TTN: variants seen among roughly 807,000 people sequenced by gnomAD.
TTN encodes the protein connectin.
A neutral mutation model predicts 3,223.0 loss-of-function variants in TTN; 1,525 were observed. The ratio of observed to expected loss-of-function variants is 0.47; its 90% CI spans 0.45 to 0.49. The LOEUF is 0.49. Among genes scored for constraint, TTN ranks in the 20% least tolerant of loss-of-function variants. The pLI, the probability that TTN is intolerant of heterozygous loss-of-function variation, is 0.00. For synonymous variants in TTN, 14,094 were observed against 15,161.0 expected, an observed-to-expected ratio of 0.93 and a Z score of 5.17; for missense variants, 40,786 against 43,424.0, an observed-to-expected ratio of 0.94 and a Z score of 5.40.
At chr2:178,663,156 T>G (rs1187137109) in intron 173 of TTN, 101 bp from the exon 174 acceptor site, 13 of 1,608,192 alleles carry the variant, frequency 8.1e-6, no homozygotes, top group Non-Finnish European at 9.3e-6. Flanking sequence ...GATTGACATT[T>G]GTTTTCTTTA....
chr2:178,578,222 A>T (rs1358722606), intron 321 of TTN, 37 bp from the exon 322 acceptor site: 3 of 1,561,568 alleles, frequency 1.9e-6, no homozygotes. Flanking sequence ...GTATAAATGC[A>T]GCTTGATTTT....
rs762501586 is a variant in TTN at position 178,756,783 on chromosome 2, T to G, written c.10693A>C (p.Arg3565=). The G allele has an allele frequency of 6.2e-7, 1 of 1,613,636 alleles. No individual in the cohort carries two copies. Among genetic ancestry groups the G allele is most frequent in the South Asian group, 1.1e-5 (1 of 91,072 alleles). ...CTTACATCTTTCCCAGAACTTTGCCTATCTAGGGCTTGCACTGTATAATCA... is the reference window on the plus strand; with the variant it reads ...CTTACATCTTTCCCAGAACTTTGCCGATCTAGGGCTTGCACTGTATAATCA... The part of the protein sequence containing the change: ...TVTPKVQALD[R]QSSGKDVRES... The change falls in exon 46 of 363, where the codon AGG becomes CGG. Residue 3565 remains arginine, a synonymous_variant. Coordinates refer to ENST00000589042, the MANE Select transcript of TTN (RefSeq NM_001267550.2).
chr2:178,745,046 C>T (rs2083223391), intron 47 of TTN: 2 of 986,606 alleles, frequency 2.0e-6, no homozygotes, highest in African/African-American at 1.7e-5. Flanking sequence ...AGTTAGTTGC[C>T]AATTGGGAGA....
In TTN at chr2:178,729,828, T is replaced by C; in HGVS notation, c.18425A>G (p.Asp6142Gly). The change falls in exon 63 of 363, where the codon GAC becomes GGC. Residue 6142 changes from aspartate (D) to glycine (G), a missense_variant. By Grantham distance (94) the Asp-to-Gly change is moderately conservative. Coordinates refer to ENST00000589042, the MANE Select transcript of TTN (RefSeq NM_001267550.2). ...CTGAATGGCTGTTATTTCATTCCCG[T>C]CTAGATACCAAGACACTCGGATTTT... ...TPKIRVSWYL[D>G]GNEITAIQKH... The C allele has an allele frequency of 6.2e-7, 1 of 1,613,704 alleles. No homozygotes were observed. The highest frequency in any genetic ancestry group is 8.5e-7 in the Non-Finnish European group (1 of 1,179,732).
intron 47 of TTN, among the ~76,000 whole-genome samples, chr2:178,743,557 A>C (rs2082878909): frequency 6.6e-6 from 1 of 151,956 alleles, no homozygotes; most frequent in Non-Finnish European, 1.5e-5. Context: ...CTATATGAAT[A>C]AGAGTGTTTT....
Position 178,614,310 on chromosome 2 carries a change from C to T in TTN, c.49087G>A (p.Val16363Ile), listed in dbSNP as rs776691941. 1 of 1,612,664 alleles carries T rather than the reference C, an allele frequency of 6.2e-7. No homozygotes were observed. Among genetic ancestry groups the T allele is most frequent in the Non-Finnish European group, 8.5e-7 (1 of 1,179,242 alleles). The change falls in exon 262 of 363, where the codon GTA (valine) becomes ATA (isoleucine). Residue 16363 changes from valine (V) to isoleucine (I), a missense_variant. Physicochemically the swap from Val to Ile is conservative, Grantham distance 29. Transcript: ENST00000589042. ...GPPAAFDITDVTNESCLLTWN... is the reference protein window; with the variant it reads ...GPPAAFDITDITNESCLLTWN... ...GTTAGAAGACATGACTCATTGGTTA[C>T]ATCTGTGATGTCAAAGGCAGCTGGT...
intron 218 of TTN, 159 bp downstream of exon 218, chr2:178,644,389 A>G: frequency 1.9e-6 from 1 of 533,546 alleles, no homozygotes; most frequent in South Asian, 3.4e-5. Context: ...AGCAACACTC[A>G]TGAGCCAGGA....
At position 178,567,958 on chromosome 2, in the gene TTN, G is replaced by A. The variant is rs1423225551; in HGVS notation, c.78174C>T (p.Gly26058=). 1 of 1,613,476 alleles carries A rather than the reference G, an allele frequency of 6.2e-7. No individual in the cohort carries two copies. Among genetic ancestry groups the A allele is most frequent in the South Asian group, 1.1e-5 (1 of 91,068 alleles). Residue 26058 remains glycine (G), a synonymous_variant, in exon 326 of 363, where the codon GGC becomes GGT. Coordinates refer to ENST00000589042, the MANE Select transcript of TTN (RefSeq NM_001267550.2). ...CATACACTCTGAATTCATATTCAAT[G>A]CCTTCTTCAAGATTCTGTGCTTTGA... ...TQFKAQNLEE[G]IEYEFRVYAE...
chr2:178,617,345 C>G lies in TTN; in HGVS notation c.47740G>C (p.Val15914Leu), dbSNP rs764059405. The part of the protein sequence containing the change: ...DNWIRCNMKL[V>L]PELTYKVTGL... ...CCTACCTTGTAAGTCAGTTCAGGGA[C>G]AAGTTTCATATTGCAACGAATCCAA... is the stretch of plus-strand genomic sequence containing the variant. Residue 15914 changes from valine to leucine, a missense_variant, in exon 254 of 363, where the codon GTC (valine) becomes CTC (leucine). By Grantham distance (32) the Val-to-Leu change is conservative. Coordinates refer to ENST00000589042, the MANE Select transcript of TTN (RefSeq NM_001267550.2). The G allele has an allele frequency of 2.5e-5, 40 of 1,581,534 alleles. No individual in the cohort carries two copies. The East Asian group carries it at 9.1e-4, about 36-fold the overall frequency.
At position 178,730,593 on chromosome 2, in the gene TTN, C is replaced by T; in HGVS notation, c.17940G>A (p.Gln5980=). The T allele has an allele frequency of 6.2e-7, 1 of 1,613,664 alleles. No homozygotes were observed. The highest frequency in any genetic ancestry group is 1.1e-5 in the South Asian group (1 of 91,076). The change falls in exon 61 of 363, where the codon CAG becomes CAA. Residue 5980 remains glutamine, a synonymous_variant. Coordinates refer to ENST00000589042, the MANE Select transcript of TTN (RefSeq NM_001267550.2). ...HDNTAFLEIS[Q]LEGTDSGTYT... ...ATGTCCCACTGTCTGTACCTTCCAG[C>T]TGGCTGATTTCCAAGAAGGCAGTAT...
chr2:178,658,828 G>A lies in TTN; in HGVS notation c.37454-34C>T. The stretch of plus-strand genomic sequence containing the variant: ...ATATTTGTAATTTGTGTTTAGAAAA[G>A]GTGAAAACGATGGATGCCTTTTGCA... On this transcript the variant is annotated intron_variant, in intron 182 of 362. Coordinates refer to ENST00000589042, the MANE Select transcript of TTN (RefSeq NM_001267550.2). The A allele has an allele frequency of 2.5e-6, 4 of 1,607,752 alleles. No homozygotes were observed. In the East Asian group the frequency reaches 6.7e-5, roughly 27 times the overall value.
Position 178,677,961 on chromosome 2 carries a change from A to G in TTN, c.33995-44T>C, listed in dbSNP as rs1303143245. 5 of 1,566,846 alleles carry G rather than the reference A, an allele frequency of 3.2e-6. No individual in the cohort carries two copies. In the East Asian group the frequency reaches 9.0e-5, roughly 28 times the overall value. On this transcript the variant is annotated intron_variant, in intron 145 of 362. Transcript: ENST00000589042. ...AAGGGTACAAACATCACTTTTATGT[A>G]AAATATTCACAACAATGAAGAAGCT...
chr2:178,569,063 G>A lies in TTN; in HGVS notation c.77069C>T (p.Ala25690Val). ...EYGIGLPAQT[A>V]DPIKVAEVPQ... is the part of the protein sequence containing the mutation. ...CACTTCTGCAACCTTAATTGGATCAGCAGTCTGGGCAGGAAGGCCAATACC... is the reference window on the plus strand; with the variant it reads ...CACTTCTGCAACCTTAATTGGATCAACAGTCTGGGCAGGAAGGCCAATACC... Residue 25690 changes from alanine (A) to valine (V), a missense_variant, in exon 326 of 363, where the codon GCT (alanine) becomes GTT (valine). Physicochemically the swap from Ala to Val is moderately conservative, Grantham distance 64 (BLOSUM62 0). Coordinates refer to ENST00000589042, the MANE Select transcript of TTN (RefSeq NM_001267550.2). The A allele has an allele frequency of 1.2e-6, 2 of 1,613,268 alleles. No individual in the cohort carries two copies. Among genetic ancestry groups the A allele is most frequent in the African/African-American group, 1.3e-5 (1 of 74,980 alleles).
chr2:178,750,363 A>C, intron 47 of TTN: 1 of 1,613,210 alleles, frequency 6.2e-7, no homozygotes, highest in South Asian at 1.1e-5. Context: ...CAAGTAATAG[A>C]ACCTTCATTC....
intron 234 of TTN, 45 bp from the exon 235 acceptor site, chr2:178,632,837 G>T: frequency 6.2e-7 from 1 of 1,612,492 alleles, no homozygotes; most frequent in Non-Finnish European, 8.5e-7. Flanking sequence ...CGTTTCCATT[G>T]ATGACCCTTG....
chr2:178,747,468 T>G lies in TTN; in HGVS notation c.11312-5547A>C, dbSNP rs752332864. On this transcript the variant is annotated intron_variant, in intron 47 of 362. Transcript: ENST00000589042. ...TGATCTAACTCAGATATTTCTTCAC[T>G]GGTTGTACTTCCCACACCAATGGAA... 5.0e-6 allele frequency: 8 copies of G among 1,613,308 alleles called. No homozygotes were observed. The African/African-American group carries it at 5.3e-5, about 11-fold the overall frequency.
rs2068944391 is a variant in TTN, at chr2:178,679,887, C to T, written c.33580+7G>A. The T allele has an allele frequency of 6.2e-7, 1 of 1,612,616 alleles. No homozygotes were observed. Among genetic ancestry groups the T allele is most frequent in the Non-Finnish European group, 8.5e-7 (1 of 1,179,290 alleles). Reference sequence around the variant, plus strand: ...TTGCACAGCCCTTTGCAGGAGGCATCATCTACCTTTGACTGGTATCACTGG... The same window carrying T: ...TTGCACAGCCCTTTGCAGGAGGCATTATCTACCTTTGACTGGTATCACTGG... On this transcript the variant is annotated splice_region_variant and intron_variant, in intron 140 of 362. Coordinates refer to ENST00000589042, the MANE Select transcript of TTN (RefSeq NM_001267550.2).
rs1016931674 is a variant in TTN, at chr2:178,634,982, C to T, written c.42025-133G>A. 28 of 1,372,930 alleles carry T rather than the reference C, an allele frequency of 2.0e-5. No homozygotes were observed. In the African/African-American group the frequency reaches 4.0e-4, roughly 19 times the overall value. 85.0% of individuals were successfully genotyped at this position (1,372,930 alleles called of 1,614,324 possible). ...GTAAGCAGAGAATTCCCTGTCATAA[C>T]ATTTTACACAAATTGTTCAAGTTGT... On this transcript the variant is annotated intron_variant, in intron 228 of 362. Transcript: ENST00000589042. This position sits in a 1 kb window ranked among gnomAD's most constrained non-coding sequence, Gnocchi z 4.6.
intron 47 of TTN, chr2:178,744,508 A>T: frequency 1.2e-6 from 1 of 862,808 alleles, no homozygotes; most frequent in Non-Finnish European, 1.4e-6. Context: ...TAATTTTAAA[A>T]GACAAAATTA....
Sources: allele counts gnomAD v4.1 joint callset (sites outside exome capture counted in the v4.1 genomes callset), GRCh38; gene constraint gnomAD v4.1.1; non-coding constraint Gnocchi (gnomAD v3.1); transcripts MANE v1.5; gene names NCBI Gene and HGNC (gene_info 2026-07-23, HGNC 2026-07-21).